Variants in AK8 observed in about 807,000 individuals in gnomAD.
AK8 encodes adenylate kinase 8.
A neutral mutation model predicts 54.6 loss-of-function variants in AK8; 44 were observed. That is an observed-to-expected ratio of 0.81 (90% confidence interval 0.63 to 1.04). AK8 has a LOEUF of 1.04. Among genes scored for constraint, AK8 ranks in the 50% least tolerant of loss-of-function variants. The pLI is 0.00. For missense variants in AK8, 555 were observed against 613.6 expected (o/e 0.90, Z 1.01); for synonymous variants, 239 against 245.6 (o/e 0.97, Z 0.25).
intron 11 of AK8, among the ~76,000 whole-genome samples, chr9:132,730,480 C>T (rs898879612): frequency 1.4e-5 from 2 of 142,220 alleles, no homozygotes; most frequent in Non-Finnish European, 3.0e-5. Context: ...ACTCATCTAA[C>T]TGGTAGAACA....
At chr9:132,797,960 C>G (rs115717495) in intron 10 of AK8, among the ~76,000 whole-genome samples, 2 of 152,212 alleles carry the variant, frequency 1.3e-5, no homozygotes. Context: ...TGCGAAAGCT[C>G]CTCGTTCGAG....
intron 11 of AK8, among the ~76,000 whole-genome samples, chr9:132,777,444 C>T (rs1381089668): frequency 2.0e-5 from 3 of 152,192 alleles, no homozygotes; most frequent in South Asian, 2.1e-4. Flanking sequence ...TTGGACTCCA[C>T]ACCGGTGTTC....
chr9:132,790,035 C>A lies in AK8; in HGVS notation c.1121+2599G>T, dbSNP rs73546983. Among the ~76,000 whole-genome samples, 12,741 of 152,152 alleles carry A rather than the reference C, an allele frequency of 0.084. 1,748 individuals carry two copies. Among genetic ancestry groups the A allele is most frequent in the African/African-American group, 0.29 (11,912 of 41,468 alleles). ...CGCATGACAGCAGGGGGCAAAGGTCCTAAGGGTCAAAATTCTATCTGCCAC... is the reference window on the plus strand; with the variant it reads ...CGCATGACAGCAGGGGGCAAAGGTCATAAGGGTCAAAATTCTATCTGCCAC... On this transcript the variant is annotated intron_variant, in intron 11 of 12. Transcript: ENST00000298545. This position sits in a 1 kb window ranked among gnomAD's most constrained non-coding sequence, Gnocchi z 4.1.
intron 11 of AK8, among the ~76,000 whole-genome samples, chr9:132,749,522 G>A (rs1250869561): frequency 6.6e-6 from 1 of 151,884 alleles, no homozygotes; most frequent in East Asian, 1.9e-4. Flanking sequence ...AGCCCGGGAC[G>A]TAGGTGTAAC....
At chr9:132,825,719 G>T (rs564021672) in intron 8 of AK8, among the ~76,000 whole-genome samples, 1 of 152,242 alleles carries the variant, frequency 6.6e-6, no homozygotes, top group Admixed American at 6.5e-5. Context: ...GCAGGAGAAG[G>T]TGCTGGGAAA....
intron 4 of AK8, among the ~76,000 whole-genome samples, chr9:132,862,027 A>G (rs1843409063): frequency 6.6e-6 from 1 of 152,238 alleles, no homozygotes; most frequent in African/African-American, 2.4e-5. Flanking sequence ...TCTCTGTTGA[A>G]TTTTATAAAG....
At chr9:132,779,532 C>G (rs763766999) in intron 11 of AK8, among the ~76,000 whole-genome samples, 1 of 152,200 alleles carries the variant, frequency 6.6e-6, no homozygotes, top group Non-Finnish European at 1.5e-5. Flanking sequence ...GACAAACTCT[C>G]CCCTACACAT....
rs571014720 is a variant in AK8 at position 132,742,100 on chromosome 9, G to A, written c.1122-14566C>T. ...GGATCAGAACTTCATTCCTCGTGCA[G>A]CCAAACAGTGCTCCATTCTTTGGAT... is the stretch of plus-strand genomic sequence containing the variant. On this transcript the variant is annotated intron_variant, in intron 11 of 12. Coordinates refer to ENST00000298545, the MANE Select transcript of AK8 (RefSeq NM_152572.3). Among the ~76,000 whole-genome samples the A allele has an allele frequency of 8.6e-5, 13 of 151,618 alleles. No individual in the cohort carries two copies. The South Asian group carries it at 2.7e-3, about 32-fold the overall frequency.
chr9:132,826,781 C>T lies in AK8; in HGVS notation c.757+73G>A. 1 of 1,520,706 alleles carries T rather than the reference C, an allele frequency of 6.6e-7. No homozygotes were observed. Among genetic ancestry groups the T allele is most frequent in the Non-Finnish European group, 9.1e-7 (1 of 1,099,802 alleles). The allele number at this position is 1,520,706 out of a possible 1,614,324, so 94.2% of individuals were successfully genotyped here. On this transcript the variant is annotated intron_variant, in intron 8 of 12. Transcript: ENST00000298545. This position sits in a 1 kb window ranked among gnomAD's most constrained non-coding sequence, Gnocchi z 4.5. ...CACTGGCCACTACCAGAATAAGGGA[C>T]AAAGTGGTAGAAGGCACAGCGAGCC...
intron 1 of AK8, chr9:132,877,709 G>A (rs1308704641): frequency 1.5e-5 from 6 of 388,374 alleles, no homozygotes; most frequent in African/African-American, 6.3e-5. Flanking sequence ...GGCCCTCTCT[G>A]AGGATGGAGA....
chr9:132,800,919 C>CTTT (rs34462868), intron 10 of AK8, among the ~76,000 whole-genome samples: 23 of 123,796 alleles, frequency 1.9e-4, no homozygotes, highest in South Asian at 2.6e-4. Flanking sequence ...TCAGTTTGTC[C>CTTT]TTTTTTTTTT....
At chr9:132,738,443 A>G (rs1837219352) in intron 11 of AK8, among the ~76,000 whole-genome samples, 1 of 152,122 alleles carries the variant, frequency 6.6e-6, no homozygotes, top group South Asian at 2.1e-4. Flanking sequence ...AAAAAGTTTT[A>G]AAACCAAGTG....
At chr9:132,815,091 G>C (rs1441090067) in intron 9 of AK8, among the ~76,000 whole-genome samples, 1 of 152,248 alleles carries the variant, frequency 6.6e-6, no homozygotes, top group African/African-American at 2.4e-5. Flanking sequence ...CGGAGGATCA[G>C]CGTTCTGGCC....
rs941142554 is a variant in AK8, at chr9:132,848,142, AAG to A, written c.402+6713_402+6714del. Among the ~76,000 whole-genome samples, 29 of 92,276 alleles carry A rather than the reference AAG, an allele frequency of 3.1e-4. 2 individuals are homozygous for A. Among genetic ancestry groups the A allele is most frequent in the South Asian group, 2.1e-3 (6 of 2,880 alleles). 60.5% of individuals were successfully genotyped at this position (92,276 alleles called of 152,430 possible). A position where few individuals can be genotyped will look rare whatever the true frequency, so the allele number is the denominator to read the frequency against. On this transcript the variant is annotated intron_variant, in intron 5 of 12. Coordinates refer to ENST00000298545, the MANE Select transcript of AK8 (RefSeq NM_152572.3). ...AAAAAAAAAAAAAAAAAAAAAAAAA[AAG>A]ATTGAAGAGAAGAAAGGAAGACTCC...
chr9:132,851,298 G>A (rs1268369278), intron 5 of AK8, among the ~76,000 whole-genome samples: 2 of 152,214 alleles, frequency 1.3e-5, no homozygotes, highest in East Asian at 1.9e-4. Flanking sequence ...TGAAAGAGGG[G>A]ACCCTTCTCC....
chr9:132,778,713 A>T (rs1839332978), intron 11 of AK8, among the ~76,000 whole-genome samples: 1 of 152,210 alleles, frequency 6.6e-6, no homozygotes, highest in Non-Finnish European at 1.5e-5. Context: ...ACTATATGCC[A>T]ATCTGGTTTT....
chr9:132,877,724 A>C (rs1189810594), intron 1 of AK8: 1 of 397,024 alleles, frequency 2.5e-6, no homozygotes, highest in Non-Finnish European at 5.1e-6. Context: ...TGGAGATGCC[A>C]GCTTGAACTC....
chr9:132,812,389 C>A (rs544436085), intron 10 of AK8, among the ~76,000 whole-genome samples: 1 of 146,394 alleles, frequency 6.8e-6, no homozygotes, highest in Non-Finnish European at 1.5e-5. Flanking sequence ...CACCACCACA[C>A]GTGGCTAATT....
At chr9:132,876,827 G>C (rs1564452661) in intron 1 of AK8, among the ~76,000 whole-genome samples, 1 of 152,106 alleles carries the variant, frequency 6.6e-6, no homozygotes, top group South Asian at 2.1e-4. Context: ...GGGAGGCCGA[G>C]GCAGAAGGAC....
Sources: gnomAD v4.1 joint callset for allele counts (sites outside exome capture counted in the v4.1 genomes callset) on GRCh38, gnomAD v4.1.1 for gene constraint, Gnocchi (gnomAD v3.1) non-coding constraint, MANE v1.5 for transcripts, NCBI Gene and HGNC (gene_info 2026-07-23, HGNC 2026-07-21) for gene names.